The following TCF12 variants were observed in gnomAD, a reference collection of about 807,000 sequenced individuals.
The protein encoded by TCF12 is transcription factor 12, also known as DNA-binding protein HTF4.
In TCF12, 45 loss-of-function variants were observed where a neutral mutation model predicts 86.0. That is an observed-to-expected ratio of 0.52 (90% CI 0.41 to 0.67). The LOEUF is 0.67. Among genes scored for constraint, TCF12 ranks in the 30% least tolerant of loss-of-function variants. TCF12 has a pLI of 0.00. For missense variants in TCF12, 881 were observed against 859.9 expected, an observed-to-expected ratio of 1.02 and a Z score of -0.31; for synonymous variants, 330 against 299.6, an observed-to-expected ratio of 1.10 and a Z score of -1.05.
chr15:57,150,242 G>A (rs1461892403), intron 5 of TCF12, among the ~76,000 whole-genome samples: 3 of 152,198 alleles, frequency 2.0e-5, no homozygotes, highest in African/African-American at 7.2e-5. Context: ...TTGGTTCCAA[G>A]TCTTTGGCCA....
chr15:56,974,376 C>CACA (rs1257947651), intron 3 of TCF12, among the ~76,000 whole-genome samples: 2 of 151,872 alleles, frequency 1.3e-5, no homozygotes, highest in Non-Finnish European at 2.9e-5. Flanking sequence ...AAAATGTTAC[C>CACA]ACATGTGGGA....
At chr15:56,968,042 C>T (rs373243789) in intron 3 of TCF12, among the ~76,000 whole-genome samples, 1 of 151,896 alleles carries the variant, frequency 6.6e-6, no homozygotes, top group Non-Finnish European at 1.5e-5. Flanking sequence ...CTGCAACCTC[C>T]GCCTCCCAGG....
chr15:57,223,643 G>GTTTTTTGTTTTTTGT (rs1456806093), intron 8 of TCF12, among the ~76,000 whole-genome samples: 1 of 69,666 alleles, frequency 1.4e-5, no homozygotes, highest in African/African-American at 4.9e-5. Flanking sequence ...TACCAATGAG[G>GTTTTTTGTTTTTTGT]TTTTTTTTTT....
intron 6 of TCF12, among the ~76,000 whole-genome samples, chr15:57,171,703 G>C (rs1481254347): frequency 4.6e-5 from 7 of 152,108 alleles, no homozygotes; most frequent in African/African-American, 1.7e-4. Flanking sequence ...TAACTGATGA[G>C]CCATTAAAAG....
intron 4 of TCF12, among the ~76,000 whole-genome samples, chr15:57,089,325 C>G (rs1427883941): frequency 6.6e-6 from 1 of 152,122 alleles, no homozygotes; most frequent in Non-Finnish European, 1.5e-5. Flanking sequence ...TGCATATAAT[C>G]TCAGTAAATA....
At chr15:56,995,910 T>C (rs1222531386) in intron 3 of TCF12, among the ~76,000 whole-genome samples, 3 of 152,178 alleles carry the variant, frequency 2.0e-5, no homozygotes, top group Non-Finnish European at 4.4e-5. Context: ...AGTATGATAT[T>C]AGCTGTGGGT....
intron 4 of TCF12, among the ~76,000 whole-genome samples, chr15:57,087,144 A>G (rs1042241166): frequency 6.6e-6 from 1 of 150,580 alleles, no homozygotes; most frequent in African/African-American, 2.5e-5. Context: ...CCTTGGATAC[A>G]ACAAAATATT....
intron 3 of TCF12, among the ~76,000 whole-genome samples, chr15:56,924,294 A>C (rs1443576688): frequency 2.0e-5 from 3 of 152,214 alleles, no homozygotes; most frequent in African/African-American, 7.2e-5. Context: ...CTGTCACCAC[A>C]GGAATTCTTG....
intron 3 of TCF12, among the ~76,000 whole-genome samples, chr15:56,928,709 C>T (rs1400201919): frequency 6.6e-6 from 1 of 152,118 alleles, no homozygotes; most frequent in Non-Finnish European, 1.5e-5. Context: ...AATGTGTACA[C>T]CTTTTGAAAA....
chr15:57,090,767 T>TCGTATACGTTTTTC (rs1450606104), intron 4 of TCF12, among the ~76,000 whole-genome samples: 1 of 152,188 alleles, frequency 6.6e-6, no homozygotes, highest in Non-Finnish European at 1.5e-5. Flanking sequence ...TACTTGGGCT[T>TCGTATACGTTTTTC]CGTATACGTT....
At chr15:56,919,709 A>C (rs2059687622) in intron 1 of TCF12, 183 bp from the exon 2 acceptor site, 1 of 445,226 alleles carries the variant, frequency 2.2e-6, no homozygotes, top group Non-Finnish European at 4.0e-6. Context: ...GGATTCCGGG[A>C]CCCGGCGCGG....
chr15:57,033,222 G>A (rs930694277), intron 3 of TCF12, among the ~76,000 whole-genome samples: 65 of 152,134 alleles, frequency 4.3e-4, no homozygotes, highest in African/African-American at 1.5e-3. Context: ...TTTCCAGAAG[G>A]AAAAATAGTG....
intron 4 of TCF12, among the ~76,000 whole-genome samples, chr15:57,075,384 T>G (rs2069797475): frequency 6.6e-6 from 1 of 151,932 alleles, no homozygotes; most frequent in African/African-American, 2.4e-5. Context: ...CATGGAAATG[T>G]TTTTTTTCCC....
chr15:57,204,562 A>T (rs1490740898), intron 8 of TCF12, among the ~76,000 whole-genome samples: 1 of 152,126 alleles, frequency 6.6e-6, no homozygotes. Flanking sequence ...AAAAAATGTG[A>T]ATTTTTAGTC....
intron 6 of TCF12, among the ~76,000 whole-genome samples, chr15:57,169,847 A>G (rs1265623357): frequency 1.3e-5 from 2 of 152,234 alleles, no homozygotes; most frequent in Non-Finnish European, 2.9e-5. Context: ...AGAGTCAGCA[A>G]TAAGTTCTAT....
At chr15:57,249,875 G>C (rs562732334) in intron 13 of TCF12, among the ~76,000 whole-genome samples, 1 of 152,130 alleles carries the variant, frequency 6.6e-6, no homozygotes, top group East Asian at 1.9e-4. Flanking sequence ...ATGCACAATC[G>C]TGAAATAATG....
chr15:57,210,658 C>G (rs12916478), intron 8 of TCF12, among the ~76,000 whole-genome samples: 3 of 151,872 alleles, frequency 2.0e-5, no homozygotes, highest in Non-Finnish European at 4.4e-5. Flanking sequence ...ATTTTAACAA[C>G]AGTAATACAG....
At chr15:57,244,325 T>A (rs1314914748) in intron 13 of TCF12, among the ~76,000 whole-genome samples, 1 of 152,226 alleles carries the variant, frequency 6.6e-6, no homozygotes, top group African/African-American at 2.4e-5. Flanking sequence ...CTAGATAGTC[T>A]GTTTTTATTT....
chr15:56,986,776 A>G (rs1807568120), intron 3 of TCF12, among the ~76,000 whole-genome samples: 1 of 152,200 alleles, frequency 6.6e-6, no homozygotes, highest in Non-Finnish European at 1.5e-5. Flanking sequence ...ATGAATGACA[A>G]AATTGTCTCG....
Sources: gnomAD v4.1 joint callset for allele counts (sites outside exome capture counted in the v4.1 genomes callset) on GRCh38, gnomAD v4.1.1 for gene constraint, MANE v1.5 for transcripts, NCBI Gene and HGNC (gene_info 2026-07-23, HGNC 2026-07-21) for gene names.